POM121C: variants seen among roughly 807,000 people sequenced by gnomAD.
POM121C encodes POM121 transmembrane nucleoporin C.
POM121C carries 20 observed loss-of-function variants against 66.4 expected under a neutral mutation model. The ratio of observed to expected loss-of-function variants is 0.30; its 90% CI spans 0.21 to 0.44. The LOEUF is 0.44. POM121C is among the 20% of genes least tolerant of loss of function. The pLI, the probability that POM121C is intolerant of heterozygous loss-of-function variation, is 1.00. For synonymous variants in POM121C, 286 were observed against 528.0 expected (o/e 0.54, Z 6.28); for missense variants, 580 against 1,225.7 (o/e 0.47, Z 7.87).
intron 7 of POM121C, among the ~76,000 whole-genome samples, chr7:75,432,266 C>T (rs1173946490): frequency 6.7e-6 from 1 of 150,158 alleles, no homozygotes; most frequent in Non-Finnish European, 1.5e-5. Flanking sequence ...AAGACTTAGA[C>T]AATTATCTAT....
chr7:75,442,650 G>T (rs1264239438), intron 3 of POM121C: 2 of 1,476,958 alleles, frequency 1.4e-6, no homozygotes, highest in Non-Finnish European at 1.8e-6. Flanking sequence ...CCCCGGCCCC[G>T]GCCGTCCCTG....
At position 75,417,747 on chromosome 7, in the gene POM121C, T is replaced by C. The variant is rs1789528355; in HGVS notation, c.*1049A>G. On this transcript the variant is annotated 3_prime_UTR_variant, in exon 15 of 15. Coordinates refer to ENST00000615331, the MANE Select transcript of POM121C (RefSeq NM_001099415.3). Reference sequence around the variant, plus strand: ...GCCCATTCTCCCTGGCTGCCAGCCCTTGAAGTCAGAACACCATGGGAAAAT... The same window carrying C: ...GCCCATTCTCCCTGGCTGCCAGCCCCTGAAGTCAGAACACCATGGGAAAAT... 1 of 981,600 alleles carries C rather than the reference T, an allele frequency of 1.0e-6. No homozygotes were observed. Among genetic ancestry groups the C allele is most frequent in the Middle Eastern group, 5.2e-4 (1 of 1,908 alleles). The allele number at this position is 981,600 out of a possible 1,614,324, so 60.8% of individuals were successfully genotyped here. A position where few individuals can be genotyped will look rare whatever the true frequency, so the allele number is the denominator to read the frequency against.
At position 75,486,179 on chromosome 7, in the gene POM121C, G is replaced by C. The variant is rs1467427932; in HGVS notation, c.-773C>G. Reference sequence around the variant, plus strand: ...GGGCCGCACAGCTCCCGCCCGCCTAGGTGCTGGTCCGGGCGGTCAGCATCC... The same window carrying C: ...GGGCCGCACAGCTCCCGCCCGCCTACGTGCTGGTCCGGGCGGTCAGCATCC... On this transcript the variant is annotated 5_prime_UTR_variant, in exon 1 of 15. Transcript: ENST00000615331. The C allele has an allele frequency of 2.0e-5, 6 of 307,238 alleles. 1 individual carries two copies. Among genetic ancestry groups the C allele is most frequent in the South Asian group, 4.8e-5 (2 of 41,618 alleles). The allele number at this position is 307,238 out of a possible 1,614,324, so 19.0% of individuals were successfully genotyped here. A position where few individuals can be genotyped will look rare whatever the true frequency, so the allele number is the denominator to read the frequency against.
intron 1 of POM121C, among the ~76,000 whole-genome samples, chr7:75,480,670 A>C (rs1277843959): frequency 2.6e-5 from 4 of 152,120 alleles, no homozygotes; most frequent in Admixed American, 2.6e-4. Flanking sequence ...AGGGAAACCT[A>C]AATTTAAAGA....
At chr7:75,455,265 C>T (rs1245620772) in intron 3 of POM121C, among the ~76,000 whole-genome samples, 11 of 152,376 alleles carry the variant, frequency 7.2e-5, no homozygotes, top group Non-Finnish European at 1.0e-4. Flanking sequence ...TCTGCTTCTG[C>T]GGGAAATGCC....
In POM121C at chr7:75,419,344, C is replaced by A. The variant is rs180922636; in HGVS notation, c.2842G>T (p.Gly948Cys). 1,431 of 1,613,638 alleles carry A rather than the reference C, an allele frequency of 8.9e-4. 22 individuals carry two copies. In the Admixed American group the frequency reaches 0.023, roughly 26 times the overall value. The change falls in exon 14 of 15, where the codon GGC becomes TGC. Residue 948 changes from glycine to cysteine, a missense_variant. Transcript: ENST00000615331. ...CCGAACGGTCCAACACCAACAAAGC[C>A]TTGGGCGGGTGCTGAAGATGCCCCA... ...SFGASSAPAQ[G>C]FVGVGPFGSA...
At chr7:75,457,254 TAGAGA>T (rs1409648439) in intron 3 of POM121C, among the ~76,000 whole-genome samples, 3 of 148,934 alleles carry the variant, frequency 2.0e-5, no homozygotes, top group African/African-American at 5.0e-5. Flanking sequence ...TCTGGAAAGG[TAGAGA>T]AGAGAAGGGC....
At chr7:75,458,793 C>T (rs145469117) in intron 3 of POM121C, among the ~76,000 whole-genome samples, 10,735 of 152,044 alleles carry the variant, frequency 0.071, 509 homozygotes, top group Non-Finnish European at 0.1. Flanking sequence ...CAGAAAAATC[C>T]GAACCCAGAA....
intron 3 of POM121C, among the ~76,000 whole-genome samples, chr7:75,467,637 G>T (rs1554478059): frequency 6.6e-6 from 1 of 151,302 alleles, no homozygotes; most frequent in Non-Finnish European, 1.5e-5. Context: ...TGGAATACCC[G>T]TCTCTGACAT....
chr7:75,480,280 C>T (rs1792258251), intron 1 of POM121C, among the ~76,000 whole-genome samples: 1 of 151,440 alleles, frequency 6.6e-6, no homozygotes, highest in Non-Finnish European at 1.5e-5. Context: ...GGCCATTTTA[C>T]AAAGTGGTTA....
chr7:75,434,477 A>T (rs1347476627), intron 7 of POM121C, among the ~76,000 whole-genome samples: 1 of 151,632 alleles, frequency 6.6e-6, no homozygotes, highest in Admixed American at 6.6e-5. Flanking sequence ...GGGTTTTGCC[A>T]TGTTGGTCAG....
chr7:75,467,658 A>G (rs1791706728), intron 3 of POM121C, among the ~76,000 whole-genome samples: 1 of 152,012 alleles, frequency 6.6e-6, no homozygotes, highest in South Asian at 2.1e-4. Flanking sequence ...TTCCCATGGC[A>G]GTTAACATTT....
At chr7:75,483,955 A>G (rs1269746711) in intron 1 of POM121C, among the ~76,000 whole-genome samples, 1 of 152,138 alleles carries the variant, frequency 6.6e-6, no homozygotes, top group Non-Finnish European at 1.5e-5. Flanking sequence ...ACAAAAAATT[A>G]GCTGGGCATG....
In POM121C at chr7:75,418,905, C is replaced by T; in HGVS notation, c.2867-12G>A. On this transcript the variant is annotated splice_polypyrimidine_tract_variant and intron_variant, in intron 14 of 14. Transcript: ENST00000615331. ...AGGGGCCGCCGATCCTGGAAAGATT[C>T]AACAAGACCTCATCAGGGCAGCTGC... The T allele has an allele frequency of 1.3e-6, 2 of 1,598,380 alleles. No individual in the cohort carries two copies. The highest frequency in any genetic ancestry group is 1.7e-6 in the Non-Finnish European group (2 of 1,175,488).
Position 75,468,069 on chromosome 7 carries a change from T to C in POM121C, c.-152+6635A>G, listed in dbSNP as rs1356414617. Among the ~76,000 whole-genome samples, 42 of 140,344 alleles carry C rather than the reference T, an allele frequency of 3.0e-4. 1 individual carries two copies. Among genetic ancestry groups the C allele is most frequent in the Admixed American group, 2.6e-3 (32 of 12,238 alleles). 92.1% of individuals were successfully genotyped at this position (140,344 alleles called of 152,430 possible). On this transcript the variant is annotated intron_variant, in intron 3 of 14. Coordinates refer to ENST00000615331, the MANE Select transcript of POM121C (RefSeq NM_001099415.3). ...ATTGCTTGAACTGAGGAGGCAGAAGTTGCAGTGAGCTGAGATGGCACAACT... is the reference window on the plus strand; with the variant it reads ...ATTGCTTGAACTGAGGAGGCAGAAGCTGCAGTGAGCTGAGATGGCACAACT...
intron 1 of POM121C, among the ~76,000 whole-genome samples, chr7:75,479,030 A>AAC (rs1792201699): frequency 6.6e-6 from 1 of 151,194 alleles, no homozygotes; most frequent in South Asian, 2.1e-4. Context: ...TAGGGGAACA[A>AAC]ACATGAGTAT....
chr7:75,484,873 G>C (rs1792458260), intron 1 of POM121C, among the ~76,000 whole-genome samples: 1 of 151,636 alleles, frequency 6.6e-6, no homozygotes, highest in African/African-American at 2.4e-5. Flanking sequence ...GTTGAGACAG[G>C]GTCTCAATCT....
At chr7:75,452,278 G>C (rs1357648610) in intron 3 of POM121C, among the ~76,000 whole-genome samples, 1 of 151,402 alleles carries the variant, frequency 6.6e-6, no homozygotes, top group Non-Finnish European at 1.5e-5. Flanking sequence ...GCCAACATGG[G>C]GAAATCCCAT....
chr7:75,440,918 C>T (rs782688942), intron 5 of POM121C, 36 bp downstream of exon 5: 28 of 1,613,628 alleles, frequency 1.7e-5, no homozygotes, highest in Middle Eastern at 1.7e-4. Context: ...GGGGTCCAAG[C>T]GGGAAACTGG....
Sources: gnomAD v4.1 joint callset for allele counts (sites outside exome capture counted in the v4.1 genomes callset) on GRCh38, gnomAD v4.1.1 for gene constraint, MANE v1.5 for transcripts, NCBI Gene and HGNC (gene_info 2026-07-23, HGNC 2026-07-21) for gene names.